The following CARS2 variants were observed in gnomAD, a reference collection of about 807,000 sequenced individuals.
The protein encoded by CARS2 is cysteinyl-tRNA synthetase 2, mitochondrial, also known as probable cysteine--tRNA ligase, mitochondrial.
CARS2 carries 52 observed loss-of-function variants against 68.8 expected under a neutral mutation model. The observed-to-expected ratio is 0.76, with a 90% confidence interval of 0.61 to 0.95. The LOEUF (loss-of-function observed/expected upper bound fraction) is 0.95, where lower values mean the gene tolerates loss of function less well. CARS2 is among the 40% of genes least tolerant of loss of function. CARS2 has a pLI of 0.00. For synonymous variants in CARS2, 314 were observed against 303.6 expected (o/e 1.03, Z -0.36); for missense variants, 780 against 754.2 (o/e 1.03, Z -0.40).
intron 13 of CARS2, chr13:110,642,742 C>G: frequency 1.3e-6 from 1 of 751,836 alleles, no homozygotes; most frequent in Non-Finnish European, 2.4e-6. Context: ...GTCGTCCAAG[C>G]AAGGCTGAGT....
intron 6 of CARS2, among the ~76,000 whole-genome samples, chr13:110,682,829 G>A (rs574060266): frequency 2.6e-5 from 4 of 152,330 alleles, no homozygotes; most frequent in East Asian, 3.9e-4. Flanking sequence ...AGCCAGGCAC[G>A]CTGGGGGCGG....
At chr13:110,712,929 C>A in intron 1 of CARS2, 1 of 1,556,184 alleles carries the variant, frequency 6.4e-7, no homozygotes. Context: ...ATGGCGCAGG[C>A]GCGGGAGCCG....
At chr13:110,658,699 G>C (rs2062431236) in intron 9 of CARS2, among the ~76,000 whole-genome samples, 1 of 152,174 alleles carries the variant, frequency 6.6e-6, no homozygotes, top group Admixed American at 6.5e-5. Context: ...GAGGCAGGTG[G>C]ATCACCTGAG....
At chr13:110,667,989 G>A (rs1316259420) in intron 7 of CARS2, among the ~76,000 whole-genome samples, 1 of 152,214 alleles carries the variant, frequency 6.6e-6, no homozygotes, top group Non-Finnish European at 1.5e-5. Context: ...AATTAATGGG[G>A]TTGATGGGGG....
Position 110,706,047 on chromosome 13 carries a change from T to C in CARS2, c.47A>G (p.Gln16Arg). Residue 16 changes from glutamine (Q) to arginine (R), a missense_variant, in exon 1 of 15, where the codon CAG becomes CGG. Coordinates refer to ENST00000257347, the MANE Select transcript of CARS2 (RefSeq NM_024537.4). ...AGCCCGCCCAAGGCCCAGCGCGGCC[T>C]GGAGCAGCGGGGGGCCCAGGCCTGG... is the stretch of plus-strand genomic sequence containing the variant. ...RGPGLGPPLLQAALGLGRAGW... is the reference protein window; with the variant it reads ...RGPGLGPPLLRAALGLGRAGW... 1 of 1,366,590 alleles carries C rather than the reference T, an allele frequency of 7.3e-7. No individual in the cohort carries two copies. Among genetic ancestry groups the C allele is most frequent in the Non-Finnish European group, 9.4e-7 (1 of 1,061,840 alleles). The allele number at this position is 1,366,590 out of a possible 1,614,324, so 84.7% of individuals were successfully genotyped here. A position where few individuals can be genotyped will look rare whatever the true frequency, so the allele number is the denominator to read the frequency against.
chr13:110,711,980 C>CA (rs1362318596), intron 1 of CARS2, among the ~76,000 whole-genome samples: 1 of 152,230 alleles, frequency 6.6e-6, no homozygotes, highest in Non-Finnish European at 1.5e-5. Flanking sequence ...AACAGGGTTC[C>CA]ATCAAATACC....
intron 10 of CARS2, chr13:110,648,528 GA>G (rs2062110075): frequency 6.6e-6 from 1 of 152,314 alleles, no homozygotes; most frequent in African/African-American, 2.4e-5. Context: ...CAAAGGTGAA[GA>G]AAGAATGTCT....
intron 6 of CARS2, among the ~76,000 whole-genome samples, chr13:110,679,292 G>A (rs1222449145): frequency 6.6e-6 from 1 of 151,966 alleles, no homozygotes; most frequent in African/African-American, 2.4e-5. Context: ...CACTTTGGGA[G>A]GCCGAGGCGG....
chr13:110,681,461 G>A (rs1475166803), intron 6 of CARS2, among the ~76,000 whole-genome samples: 2 of 152,154 alleles, frequency 1.3e-5, no homozygotes, highest in African/African-American at 4.8e-5. Context: ...AAGCACTGCT[G>A]TGAAGATGTG....
chr13:110,644,423 A>T lies in CARS2; in HGVS notation c.1378T>A (p.Phe460Ile). ...AGAGAAATTCCAACAGTTTCAAAAA[A>T]CTGTTCAAAGTAAGAGATGATGGCA... is the stretch of plus-strand genomic sequence containing the variant. Reference protein sequence around the residue: ...FGAIISYFEQFFETVGISLAN... With the variant: ...FGAIISYFEQIFETVGISLAN... The change falls in exon 13 of 15, where the codon TTT (phenylalanine) becomes ATT (isoleucine). Residue 460 changes from phenylalanine (F) to isoleucine (I), a missense_variant. Phe to Ile is a conservative substitution (Grantham distance 21, BLOSUM62 0). Coordinates refer to ENST00000257347, the MANE Select transcript of CARS2 (RefSeq NM_024537.4). 1 of 1,614,112 alleles carries T rather than the reference A, an allele frequency of 6.2e-7. No homozygotes were observed. The highest frequency in any genetic ancestry group is 8.5e-7 in the Non-Finnish European group (1 of 1,180,032).
chr13:110,711,240 AT>A (rs2064024739), upstream of CARS2, among the ~76,000 whole-genome samples: 2 of 23,952 alleles, frequency 8.4e-5, no homozygotes, highest in Admixed American at 6.8e-4. Context: ...TTTTCCGGAG[AT>A]AGTCTTGCTC....
In CARS2 at chr13:110,644,397, C is replaced by A; in HGVS notation, c.1404G>T (p.Leu468=). 6.2e-7 allele frequency: 1 copy of A among 1,613,874 alleles called. No homozygotes were observed. The highest frequency in any genetic ancestry group is 1.1e-5 in the South Asian group (1 of 91,072). The change falls in exon 13 of 15, where the codon CTG becomes CTT. Residue 468 remains leucine, a synonymous_variant. Transcript: ENST00000257347. ...EQFFETVGIS[L]ANQQYVSGDG... ...TAATAGGACCTACCTGTTGATTTGC[C>A]AGAGAAATTCCAACAGTTTCAAAAA...
chr13:110,684,539 AC>A (rs1476950599), intron 5 of CARS2, among the ~76,000 whole-genome samples: 11 of 148,712 alleles, frequency 7.4e-5, no homozygotes, highest in Non-Finnish European at 1.3e-4. Context: ...TTGAAATGTC[AC>A]CCGGCTTTGT....
chr13:110,683,907 G>A (rs2063223999), intron 5 of CARS2, among the ~76,000 whole-genome samples: 1 of 152,334 alleles, frequency 6.6e-6, no homozygotes, highest in Middle Eastern at 3.4e-3. Flanking sequence ...GTGAGGCTGA[G>A]TGCCAAGGTC....
At chr13:110,652,331 G>C (rs1040209824) in intron 9 of CARS2, among the ~76,000 whole-genome samples, 1 of 152,260 alleles carries the variant, frequency 6.6e-6, no homozygotes, top group Non-Finnish European at 1.5e-5. Flanking sequence ...AGCCGGAAAC[G>C]GCGGAGTCCA....
At chr13:110,690,961 C>T (rs1038600393) in intron 3 of CARS2, among the ~76,000 whole-genome samples, 1 of 152,222 alleles carries the variant, frequency 6.6e-6, no homozygotes, top group Admixed American at 6.5e-5. Flanking sequence ...GTTATCCACA[C>T]CTGTGTTTCT....
At chr13:110,677,208 A>C in intron 6 of CARS2, 105 bp from the exon 7 acceptor site, 6 of 1,127,262 alleles carry the variant, frequency 5.3e-6, no homozygotes, top group East Asian at 3.2e-5. Context: ...CACCCCCACC[A>C]TGGAAACACA....
At chr13:110,710,985 A>G (rs2064022218), upstream of CARS2, among the ~76,000 whole-genome samples, 1 of 151,882 alleles carries the variant, frequency 6.6e-6, no homozygotes, top group Non-Finnish European at 1.5e-5. Flanking sequence ...TTATCTTTGT[A>G]AAGGGTAAAT....
chr13:110,662,232 C>T (rs9588232), intron 9 of CARS2, among the ~76,000 whole-genome samples: 6 of 96,792 alleles, frequency 6.2e-5, no homozygotes, highest in South Asian at 3.1e-4. Context: ...TGCAACCCCA[C>T]GGCCGGGTTC....
Sources: allele counts gnomAD v4.1 joint callset (sites outside exome capture counted in the v4.1 genomes callset), GRCh38; gene constraint gnomAD v4.1.1; transcripts MANE v1.5; gene names NCBI Gene and HGNC (gene_info 2026-07-23, HGNC 2026-07-21).